The following PPP1R16B variants were observed in gnomAD, a reference collection of about 807,000 sequenced individuals.
The protein encoded by PPP1R16B is protein phosphatase 1 regulatory inhibitor subunit 16B.
PPP1R16B carries 14 observed loss-of-function variants against 61.7 expected under a neutral mutation model. That is an observed-to-expected ratio of 0.23 (90% CI 0.15 to 0.35). PPP1R16B has a LOEUF of 0.35. Among genes scored for constraint, PPP1R16B ranks in the 10% least tolerant of loss-of-function variants. The pLI is 1.00. For synonymous variants in PPP1R16B, 266 were observed against 305.3 expected (o/e 0.87, Z 1.34); for missense variants, 547 against 752.5 (o/e 0.73, Z 3.19).
chr20:38,855,943 T>TATATATAGAGAGAGAGAG (rs1555804333), intron 2 of PPP1R16B, among the ~76,000 whole-genome samples: 4 of 15,058 alleles, frequency 2.7e-4, no homozygotes, highest in African/African-American at 4.4e-4. Flanking sequence ...TATATATATA[T>TATATATAGAGAGAGAGAG]AGAGAGAGAG....
At chr20:38,902,623 C>G (rs200810086) in intron 5 of PPP1R16B, 45 bp from the exon 6 acceptor site, 1 of 1,612,148 alleles carries the variant, frequency 6.2e-7, no homozygotes, top group Non-Finnish European at 8.5e-7. Context: ...CCTCTGGGGT[C>G]GTAGGCCTGA....
At chr20:38,909,979 TA>T (rs1568685435) in intron 10 of PPP1R16B, among the ~76,000 whole-genome samples, 1 of 152,166 alleles carries the variant, frequency 6.6e-6, no homozygotes, top group Admixed American at 6.5e-5. Context: ...AATCTTTTTT[TA>T]TTTTTTTATT....
At chr20:38,862,631 T>C (rs2085060504) in intron 2 of PPP1R16B, among the ~76,000 whole-genome samples, 1 of 152,142 alleles carries the variant, frequency 6.6e-6, no homozygotes, top group South Asian at 2.1e-4. Context: ...GGCCTCATCA[T>C]CCCGAGAAAC....
At position 38,806,825 on chromosome 20, in the gene PPP1R16B, C is replaced by T. The variant is rs1473544571; in HGVS notation, c.-102+1033C>T. Among the ~76,000 whole-genome samples the T allele has an allele frequency of 1.3e-5, 2 of 152,136 alleles. No individual in the cohort carries two copies. The highest frequency in any genetic ancestry group is 6.5e-5 in the Admixed American group (1 of 15,280). ...CTTTGAATCTGGCCCTCCTGAGACCCCAGGGCTGCGCCGCTGCCGCGCGCC... is the reference window on the plus strand; with the variant it reads ...CTTTGAATCTGGCCCTCCTGAGACCTCAGGGCTGCGCCGCTGCCGCGCGCC... On this transcript the variant is annotated intron_variant, in intron 1 of 10. Transcript: ENST00000299824. This position sits in a 1 kb window ranked among gnomAD's most constrained non-coding sequence, Gnocchi z 4.5.
chr20:38,835,919 G>A lies in PPP1R16B; in HGVS notation c.-7G>A, dbSNP rs199559035. 6.5e-7 allele frequency: 1 copy of A among 1,534,022 alleles called. No homozygotes were observed. Among genetic ancestry groups the A allele is most frequent in the East Asian group, 2.5e-5 (1 of 40,734 alleles). On this transcript the variant is annotated 5_prime_UTR_variant, in exon 2 of 11. Coordinates refer to ENST00000299824, the MANE Select transcript of PPP1R16B (RefSeq NM_015568.4). Reference sequence around the variant, plus strand: ...CCCCAGCCAGGGCGTTGGGGAGGGCGGTGGCCATGGCCAGTCACGTGGACC... The same window carrying A: ...CCCCAGCCAGGGCGTTGGGGAGGGCAGTGGCCATGGCCAGTCACGTGGACC...
intron 2 of PPP1R16B, among the ~76,000 whole-genome samples, chr20:38,867,070 G>A (rs1245812472): frequency 6.6e-6 from 1 of 152,190 alleles, no homozygotes; most frequent in Non-Finnish European, 1.5e-5. Flanking sequence ...CCACGCTGTA[G>A]CATGTGTCAG....
intron 10 of PPP1R16B, among the ~76,000 whole-genome samples, chr20:38,910,740 GT>G (rs1248899936): frequency 6.6e-6 from 1 of 152,078 alleles, no homozygotes; most frequent in Non-Finnish European, 1.5e-5. Context: ...GCTCATGCCT[GT>G]AATCCCAGCA....
Position 38,850,783 on chromosome 20 carries a change from A to T in PPP1R16B, c.250+14608A>T, listed in dbSNP as rs577378215. The stretch of plus-strand genomic sequence containing the variant: ...GGAGTTCGAGACCAGCCTGGCCAAC[A>T]TGGTGAAACCCTGTCTCTACTAAAA... On this transcript the variant is annotated intron_variant, in intron 2 of 10. Transcript: ENST00000299824. 2.0e-5 allele frequency among the ~76,000 whole-genome samples: 3 copies of T among 152,164 alleles called. No individual in the cohort carries two copies. The East Asian group carries it at 5.8e-4, about 30-fold the overall frequency.
chr20:38,829,365 C>T (rs1017249767), intron 1 of PPP1R16B, among the ~76,000 whole-genome samples: 30 of 152,224 alleles, frequency 2.0e-4, no homozygotes, highest in Admixed American at 1.8e-3. Flanking sequence ...TGACCTCACC[C>T]GACCTGGCCT....
chr20:38,873,379 C>T (rs1453911961), intron 2 of PPP1R16B, among the ~76,000 whole-genome samples: 1 of 152,154 alleles, frequency 6.6e-6, no homozygotes, highest in African/African-American at 2.4e-5. Context: ...AGACCACTTC[C>T]TCCTGTTGAG....
At chr20:38,865,545 C>A (rs1363289830) in intron 2 of PPP1R16B, among the ~76,000 whole-genome samples, 1 of 152,144 alleles carries the variant, frequency 6.6e-6, no homozygotes, top group Non-Finnish European at 1.5e-5. Flanking sequence ...CCTGCCTCGG[C>A]CTCCTAAAGC....
At chr20:38,910,127 C>T (rs907250331) in intron 10 of PPP1R16B, among the ~76,000 whole-genome samples, 11 of 151,914 alleles carry the variant, frequency 7.2e-5, no homozygotes, top group African/African-American at 2.4e-4. Context: ...TACTAGTGCC[C>T]GCCACGACGC....
At chr20:38,903,123 A>T (rs2085409909) in intron 6 of PPP1R16B, among the ~76,000 whole-genome samples, 1 of 152,164 alleles carries the variant, frequency 6.6e-6, no homozygotes, top group African/African-American at 2.4e-5. Context: ...TGACAGAAAG[A>T]CTTTGTCTTT....
chr20:38,918,469 G>A lies in PPP1R16B; in HGVS notation c.1507G>A (p.Gly503Ser). Residue 503 changes from glycine to serine, a missense_variant, in exon 11 of 11, where the codon GGC becomes AGC. Coordinates refer to ENST00000299824, the MANE Select transcript of PPP1R16B (RefSeq NM_015568.4). This position sits in a 1 kb window ranked among gnomAD's most constrained non-coding sequence, Gnocchi z 5.3. The stretch of plus-strand genomic sequence containing the variant: ...CCACCCCTTCCTTAGCACACACCTG[G>A]GCAGCAGCATGGCCAGGACGGGCGA... ...LSHPFLSTHLGSSMARTGESS... is the reference protein window; with the variant it reads ...LSHPFLSTHLSSSMARTGESS... The A allele has an allele frequency of 6.2e-7, 1 of 1,613,908 alleles. No individual in the cohort carries two copies. Among genetic ancestry groups the A allele is most frequent in the Non-Finnish European group, 8.5e-7 (1 of 1,179,850 alleles).
At chr20:38,867,738 A>T (rs2085099698) in intron 2 of PPP1R16B, among the ~76,000 whole-genome samples, 1 of 151,056 alleles carries the variant, frequency 6.6e-6, no homozygotes, top group Non-Finnish European at 1.5e-5. Context: ...CATGGTGTGA[A>T]CTTGGCTCAC....
intron 1 of PPP1R16B, among the ~76,000 whole-genome samples, chr20:38,814,692 G>A (rs2084724244): frequency 6.6e-6 from 1 of 152,052 alleles, no homozygotes. Flanking sequence ...TGTTCACTAG[G>A]TTACTTATGG....
In PPP1R16B at chr20:38,902,756, G is replaced by T. The variant is rs763246836; in HGVS notation, c.660G>T (p.Gln220His). The stretch of plus-strand genomic sequence containing the variant: ...TCCACTGCATGATCGCAGCGGGCCA[G>T]GACCTGGACTGGATAGATGCCCAGG... ...ADIHCMIAAG[Q>H]DLDWIDAQGA... is the part of the protein sequence containing the mutation. Residue 220 changes from glutamine (Q) to histidine (H), a missense_variant, in exon 6 of 11, where the codon CAG becomes CAT. Transcript: ENST00000299824. 1.2e-6 allele frequency: 2 copies of T among 1,614,250 alleles called. No homozygotes were observed. Among genetic ancestry groups the T allele is most frequent in the Non-Finnish European group, 8.5e-7 (1 of 1,180,038 alleles).
At chr20:38,841,314 C>T (rs1568659015) in intron 2 of PPP1R16B, among the ~76,000 whole-genome samples, 2 of 143,318 alleles carry the variant, frequency 1.4e-5, no homozygotes, top group African/African-American at 5.2e-5. Context: ...TCGCTTAAGC[C>T]CAGGAGTTCT....
intron 2 of PPP1R16B, among the ~76,000 whole-genome samples, chr20:38,859,304 G>A (rs1246128531): frequency 4.0e-5 from 6 of 149,994 alleles, no homozygotes; most frequent in African/African-American, 4.9e-5. Context: ...TTTTTTTTTT[G>A]GCGGGGTGGG....
Sources: gnomAD v4.1 joint callset for allele counts (sites outside exome capture counted in the v4.1 genomes callset) on GRCh38, gnomAD v4.1.1 for gene constraint, Gnocchi (gnomAD v3.1) non-coding constraint, MANE v1.5 for transcripts, NCBI Gene and HGNC (gene_info 2026-07-23, HGNC 2026-07-21) for gene names.